The following IQCM variants were observed in gnomAD, a reference collection of about 807,000 sequenced individuals.
The protein encoded by IQCM is IQ domain-containing protein M.
Under a neutral mutation model 57.6 loss-of-function variants are expected in IQCM, and 45 were observed. The ratio of observed to expected loss-of-function variants is 0.78; its 90% CI spans 0.62 to 1.00. IQCM has a LOEUF of 1.00. IQCM is among the 50% of genes least tolerant of loss of function. IQCM has a pLI of 0.00. For missense variants in IQCM, 468 were observed against 511.6 expected (o/e 0.91, Z 0.82); for synonymous variants, 148 against 158.9 (o/e 0.93, Z 0.51).
Position 149,735,431 on chromosome 4 carries a change from T to C in IQCM, c.65A>G (p.Asp22Gly). 1 of 1,226,458 alleles carries C rather than the reference T, an allele frequency of 8.2e-7. No individual in the cohort carries two copies. Among genetic ancestry groups the C allele is most frequent in the Non-Finnish European group, 1.0e-6 (1 of 982,964 alleles). 76.0% of individuals were successfully genotyped at this position (1,226,458 alleles called of 1,614,324 possible). ...KCPTLEITKQ[D>G]FFQEAKTLIA... ...GAGAGTTTTTGCTTCTTGAAAAAAG[T>C]CTTGCTTGGTGATCTCTAATGTAGG... The change falls in exon 4 of 14, where the codon GAC (aspartate) becomes GGC (glycine). Residue 22 changes from aspartate to glycine, a missense_variant. Asp to Gly is a moderately conservative substitution (Grantham distance 94). Transcript: ENST00000636793.
intron 3 of IQCM, among the ~76,000 whole-genome samples, chr4:149,741,888 A>T (rs1767490208): frequency 6.6e-6 from 1 of 152,208 alleles, no homozygotes; most frequent in Non-Finnish European, 1.5e-5. Flanking sequence ...TAATAATTTT[A>T]CAATGTGTAT....
At chr4:149,565,941 C>A (rs753590771) in intron 9 of IQCM, among the ~76,000 whole-genome samples, 10 of 151,938 alleles carry the variant, frequency 6.6e-5, no homozygotes, top group Admixed American at 2.6e-4. Flanking sequence ...ATTACTGAGC[C>A]AAATATATAT....
chr4:149,807,109 C>A (rs1416903580), intron 2 of IQCM, among the ~76,000 whole-genome samples: 2 of 151,858 alleles, frequency 1.3e-5, no homozygotes, highest in African/African-American at 4.8e-5. Context: ...ATATCCAACA[C>A]AATCCCTATC....
chr4:149,696,708 T>C (rs912982794), intron 5 of IQCM, among the ~76,000 whole-genome samples: 4 of 152,174 alleles, frequency 2.6e-5, no homozygotes, highest in African/African-American at 9.6e-5. Flanking sequence ...GCAGTTCTGC[T>C]TCAGGCTATG....
At chr4:149,456,814 A>T (rs1737754472) in intron 12 of IQCM, among the ~76,000 whole-genome samples, 1 of 152,104 alleles carries the variant, frequency 6.6e-6, no homozygotes, top group Non-Finnish European at 1.5e-5. Context: ...GTTTTCTCAT[A>T]TGCCAAAGTA....
intron 3 of IQCM, among the ~76,000 whole-genome samples, chr4:149,738,520 T>C (rs763661073): frequency 1.2e-4 from 19 of 152,170 alleles, no homozygotes; most frequent in South Asian, 4.1e-4. Context: ...GGAGAAACTA[T>C]ATGCGCTCTA....
chr4:149,809,720 C>A (rs1029750631), intron 2 of IQCM, among the ~76,000 whole-genome samples: 5 of 152,154 alleles, frequency 3.3e-5, no homozygotes, highest in Admixed American at 6.5e-5. Context: ...CTCATGTAAT[C>A]ACCAAATGAT....
chr4:149,455,498 G>A (rs952619062), intron 12 of IQCM, among the ~76,000 whole-genome samples: 5 of 152,042 alleles, frequency 3.3e-5, no homozygotes, highest in Non-Finnish European at 1.5e-5. Flanking sequence ...GAAGACATGA[G>A]GACATGAAGA....
chr4:149,724,096 T>C (rs993860011), intron 5 of IQCM, among the ~76,000 whole-genome samples: 6 of 152,066 alleles, frequency 3.9e-5, no homozygotes, highest in East Asian at 1.9e-4. Context: ...GTGTTCATAG[T>C]AGTCTCAAAT....
intron 12 of IQCM, among the ~76,000 whole-genome samples, chr4:149,547,259 C>A (rs1032906582): frequency 1.3e-5 from 2 of 152,130 alleles, no homozygotes; most frequent in Non-Finnish European, 2.9e-5. Flanking sequence ...TAGCATGATG[C>A]CTCCAGCTTT....
At chr4:149,545,095 G>C (rs1748257092) in intron 12 of IQCM, among the ~76,000 whole-genome samples, 1 of 152,098 alleles carries the variant, frequency 6.6e-6, no homozygotes, top group Admixed American at 6.6e-5. Flanking sequence ...CCAGCCACTT[G>C]GGAGGTTGAA....
chr4:149,563,972 A>G (rs1433413793), intron 9 of IQCM, 82 bp from the exon 10 acceptor site: 7 of 561,726 alleles, frequency 1.2e-5, no homozygotes, highest in Non-Finnish European at 5.3e-6. Flanking sequence ...TTCAATGATG[A>G]ATACATTGAA....
chr4:149,680,564 T>C (rs997075830), intron 7 of IQCM, among the ~76,000 whole-genome samples: 2 of 151,472 alleles, frequency 1.3e-5, no homozygotes, highest in African/African-American at 2.4e-5. Context: ...TAATTTACAT[T>C]TGTTCATTCA....
chr4:149,530,498 T>C (rs1343560541), intron 12 of IQCM, among the ~76,000 whole-genome samples: 1 of 152,152 alleles, frequency 6.6e-6, no homozygotes, highest in Non-Finnish European at 1.5e-5. Context: ...AATTGACACA[T>C]AGACTAAGTT....
At position 149,454,581 on chromosome 4, in the gene IQCM, C is replaced by A. The variant is rs939914115; in HGVS notation, c.1229-21024G>T. 3.9e-5 allele frequency among the ~76,000 whole-genome samples: 6 copies of A among 151,980 alleles called. No homozygotes were observed. In the East Asian group the frequency reaches 9.7e-4, roughly 25 times the overall value. ...GCCCCAGTGACAGCCAATTTATCTG[C>A]AGAATCAGCCTGCACATGTTCCTCT... On this transcript the variant is annotated intron_variant, in intron 12 of 13. Transcript: ENST00000636793.
At chr4:149,670,305 T>C (rs984336741) in intron 7 of IQCM, among the ~76,000 whole-genome samples, 2 of 152,178 alleles carry the variant, frequency 1.3e-5, no homozygotes, top group Non-Finnish European at 2.9e-5. Flanking sequence ...CAGGAATGCC[T>C]GTGATTTTTG....
chr4:149,557,881 A>G (rs551786855), intron 10 of IQCM, among the ~76,000 whole-genome samples: 254 of 152,344 alleles, frequency 1.7e-3, no homozygotes, highest in African/African-American at 5.8e-3. Context: ...GCATTTAAGC[A>G]TACATAAATA....
chr4:149,385,179 T>C (rs1053476654), intron 13 of IQCM, among the ~76,000 whole-genome samples: 2 of 152,128 alleles, frequency 1.3e-5, no homozygotes, highest in Non-Finnish European at 2.9e-5. Flanking sequence ...GGTTTTAATC[T>C]GCCTCCATAT....
intron 8 of IQCM, among the ~76,000 whole-genome samples, chr4:149,610,152 T>A (rs889989787): frequency 1.3e-5 from 2 of 151,768 alleles, no homozygotes; most frequent in East Asian, 3.9e-4. Flanking sequence ...TAAAAACACC[T>A]AGGAATACAC....
Sources: gnomAD v4.1 joint callset for allele counts (sites outside exome capture counted in the v4.1 genomes callset) on GRCh38, gnomAD v4.1.1 for gene constraint, MANE v1.5 for transcripts, NCBI Gene and HGNC (gene_info 2026-07-23, HGNC 2026-07-21) for gene names.